Variants in CALN1 observed in about 807,000 individuals in gnomAD.
The protein encoded by CALN1 is calcium-binding protein 8.
A neutral mutation model predicts 30.6 loss-of-function variants in CALN1; 17 were observed. The ratio of observed to expected loss-of-function variants is 0.56; its 90% CI spans 0.38 to 0.83. The LOEUF (loss-of-function observed/expected upper bound fraction) is 0.83. CALN1 is among the 40% of genes least tolerant of loss of function. The pLI is 0.00. For synonymous variants in CALN1, 156 were observed against 131.4 expected (o/e 1.19, Z -1.28); for missense variants, 291 against 354.9 (o/e 0.82, Z 1.45).
chr7:72,031,500 A>G (rs142124178), intron 4 of CALN1, among the ~76,000 whole-genome samples: 52 of 152,318 alleles, frequency 3.4e-4, no homozygotes, highest in Non-Finnish European at 5.9e-4. Context: ...AAAAGAGGTT[A>G]AGAATAACTG....
intron 3 of CALN1, among the ~76,000 whole-genome samples, chr7:72,191,552 CAAAAAAAAAAAAAA>C (rs55780039): frequency 1.1e-4 from 8 of 72,484 alleles, no homozygotes; most frequent in African/African-American, 1.6e-4. Context: ...GACTCCGTCT[CAAAAAAAAAAAAAA>C]AAAAAAAAAA....
intron 5 of CALN1, among the ~76,000 whole-genome samples, chr7:71,847,679 CAAA>C (rs1212307088): frequency 1.5e-5 from 1 of 68,810 alleles, no homozygotes. Context: ...GAGACTCTGT[CAAA>C]AAAAAAAAGG....
At chr7:71,790,130 AAGAAAG>A (rs869211775) in intron 6 of CALN1, among the ~76,000 whole-genome samples, 2 of 141,440 alleles carry the variant, frequency 1.4e-5, no homozygotes, top group Admixed American at 7.1e-5. Flanking sequence ...GAGAAGAAAG[AAGAAAG>A]AAGAAAGAAA....
At chr7:72,224,832 T>A (rs1160034335) in intron 3 of CALN1, among the ~76,000 whole-genome samples, 1 of 151,882 alleles carries the variant, frequency 6.6e-6, no homozygotes, top group East Asian at 1.9e-4. Context: ...CTCACGCCTG[T>A]AATCCCAGCA....
At chr7:71,932,825 A>G (rs957404309) in intron 5 of CALN1, among the ~76,000 whole-genome samples, 1 of 151,758 alleles carries the variant, frequency 6.6e-6, no homozygotes, top group Admixed American at 6.6e-5. Context: ...CAAAAAAAAA[A>G]AAAAAAAGAG....
At chr7:72,301,053 C>T (rs896813056) in intron 2 of CALN1, among the ~76,000 whole-genome samples, 3 of 151,970 alleles carry the variant, frequency 2.0e-5, no homozygotes, top group Non-Finnish European at 2.9e-5. Context: ...ATCATTGGCC[C>T]AAAAACTTTG....
At chr7:71,791,903 G>A (rs966655403) in intron 6 of CALN1, among the ~76,000 whole-genome samples, 1 of 152,176 alleles carries the variant, frequency 6.6e-6, no homozygotes, top group East Asian at 1.9e-4. Flanking sequence ...CCCAGCTACT[G>A]GGGAGGCTGA....
At chr7:72,448,490 C>T (rs1360315546), upstream of CALN1, among the ~76,000 whole-genome samples, 1 of 152,170 alleles carries the variant, frequency 6.6e-6, no homozygotes, top group African/African-American at 2.4e-5. Context: ...CCTTTGTGAG[C>T]CTGTCTTGGC....
intron 4 of CALN1, among the ~76,000 whole-genome samples, chr7:72,054,540 T>TACATATATAC (rs1554425607): frequency 1.7e-4 from 18 of 106,888 alleles, no homozygotes; most frequent in African/African-American, 7.0e-4. Flanking sequence ...TACATATATA[T>TACATATATAC]ATACATATAT....
the CALN1 span, among the ~76,000 whole-genome samples, chr7:72,489,753 A>G: frequency 6.6e-6 from 1 of 152,176 alleles, no homozygotes; most frequent in Non-Finnish European, 1.5e-5. Context: ...GGTAGCCCCA[A>G]CCTTCAGCAC....
chr7:72,030,843 C>G (rs910478018), intron 4 of CALN1, among the ~76,000 whole-genome samples: 1 of 151,824 alleles, frequency 6.6e-6, no homozygotes, highest in Admixed American at 6.6e-5. Flanking sequence ...AACTCCTCGG[C>G]TGAAGGGATC....
At chr7:71,828,959 G>C (rs1247125860) in intron 5 of CALN1, among the ~76,000 whole-genome samples, 3 of 151,928 alleles carry the variant, frequency 2.0e-5, no homozygotes, top group African/African-American at 4.8e-5. Flanking sequence ...GTGTTGGCCA[G>C]GCTGGTCTCG....
chr7:71,922,881 T>TATATA (rs1373599797), intron 5 of CALN1, among the ~76,000 whole-genome samples: 324 of 97,548 alleles, frequency 3.3e-3, no homozygotes, highest in African/African-American at 0.013. Flanking sequence ...TATATAAACA[T>TATATA]ATATATTAAT....
chr7:72,383,236 G>A (rs1383546353), intron 2 of CALN1, among the ~76,000 whole-genome samples: 1 of 152,170 alleles, frequency 6.6e-6, no homozygotes, highest in Non-Finnish European at 1.5e-5. Context: ...CGGTACATGT[G>A]TCTTCCTGGC....
At chr7:72,473,947 G>T in the CALN1 span, among the ~76,000 whole-genome samples, 1 of 147,892 alleles carries the variant, frequency 6.8e-6, no homozygotes, top group African/African-American at 2.5e-5. Flanking sequence ...AAAAAAGAAA[G>T]AAAGAAAGAA....
At chr7:72,402,905 GAATT>G (rs936365329) in intron 2 of CALN1, among the ~76,000 whole-genome samples, 2 of 152,148 alleles carry the variant, frequency 1.3e-5, no homozygotes, top group Non-Finnish European at 2.9e-5. Flanking sequence ...AATTATTTGA[GAATT>G]GATTGAAATT....
chr7:72,457,237 T>C, the CALN1 span, among the ~76,000 whole-genome samples: 3 of 152,324 alleles, frequency 2.0e-5, no homozygotes, highest in South Asian at 6.2e-4. Flanking sequence ...CTCGAACTCC[T>C]GACCTCAGGT....
intron 5 of CALN1, among the ~76,000 whole-genome samples, chr7:71,850,692 A>G (rs769928401): frequency 5.9e-5 from 9 of 152,226 alleles, no homozygotes; most frequent in African/African-American, 1.2e-4. Flanking sequence ...GCGGAGTTCA[A>G]TATTTGGCAG....
At chr7:72,102,730 G>A (rs952059177) in intron 4 of CALN1, among the ~76,000 whole-genome samples, 1 of 152,126 alleles carries the variant, frequency 6.6e-6, no homozygotes, top group Admixed American at 6.6e-5. Context: ...ATAGAGAAGT[G>A]CTTGTGTAGG....
Sources: allele counts gnomAD v4.1 joint callset (sites outside exome capture counted in the v4.1 genomes callset), GRCh38; gene constraint gnomAD v4.1.1; transcripts MANE v1.5; gene names NCBI Gene and HGNC (gene_info 2026-07-23, HGNC 2026-07-21).